UBE3D: variants seen among roughly 807,000 people sequenced by gnomAD.
The protein encoded by UBE3D is E3 ubiquitin-protein ligase E3D.
UBE3D carries 48 observed loss-of-function variants against 49.6 expected under a neutral mutation model. The observed-to-expected ratio is 0.97, with a 90% CI of 0.77 to 1.23. UBE3D has a LOEUF of 1.23. Ranked by LOEUF, UBE3D falls within the 50% of genes most tolerant of loss-of-function variation. UBE3D has a pLI of 0.00. For synonymous variants in UBE3D, 189 were observed against 174.2 expected (o/e 1.08, Z -0.67); for missense variants, 452 against 468.4 (o/e 0.96, Z 0.32).
chr6:82,895,452 C>A (rs1028664915), intron 9 of UBE3D, among the ~76,000 whole-genome samples: 1 of 152,140 alleles, frequency 6.6e-6, no homozygotes, highest in Non-Finnish European at 1.5e-5. Flanking sequence ...GGAGGGGGTG[C>A]TACTGGCATC....
chr6:83,041,968 G>C (rs2127814501), intron 4 of UBE3D, among the ~76,000 whole-genome samples: 1 of 152,020 alleles, frequency 6.6e-6, no homozygotes, highest in East Asian at 1.9e-4. Flanking sequence ...GGAGTGCAGT[G>C]GTGCAATCTT....
chr6:83,008,472 G>T (rs1410952211), intron 8 of UBE3D, among the ~76,000 whole-genome samples: 1 of 152,166 alleles, frequency 6.6e-6, no homozygotes, highest in African/African-American at 2.4e-5. Context: ...TGCTCACCAA[G>T]ATGTGAAACG....
chr6:83,065,726 T>C lies in UBE3D; in HGVS notation c.-8A>G, dbSNP rs1042375838. On this transcript the variant is annotated 5_prime_UTR_variant, in exon 1 of 10. Transcript: ENST00000369747. ...CGCCGCAGAAGCCGCCATGGCAGGC[T>C]TCCAGTCCCAGACCGGACCAAGCTG... 6.2e-7 allele frequency: 1 copy of C among 1,609,256 alleles called. No homozygotes were observed. The highest frequency in any genetic ancestry group is 8.5e-7 in the Non-Finnish European group (1 of 1,177,990).
At chr6:82,891,995 C>T (rs1057057234), downstream of UBE3D, among the ~76,000 whole-genome samples, 3 of 150,040 alleles carry the variant, frequency 2.0e-5, no homozygotes, top group African/African-American at 4.9e-5. Flanking sequence ...AGCTGGGCAA[C>T]GAGAGCTAAA....
chr6:82,914,513 T>C (rs999464423), intron 9 of UBE3D, among the ~76,000 whole-genome samples: 1 of 152,140 alleles, frequency 6.6e-6, no homozygotes, highest in Admixed American at 6.6e-5. Context: ...AGAAGTTGGC[T>C]GGAAAAGTGG....
intron 9 of UBE3D, among the ~76,000 whole-genome samples, chr6:82,951,437 CAGGA>C (rs2127767300): frequency 6.6e-6 from 1 of 152,284 alleles, no homozygotes; most frequent in African/African-American, 2.4e-5. Flanking sequence ...TGGGAATAAA[CAGGA>C]AGGGTTTCCT....
At chr6:82,993,837 T>C (rs974103230) in intron 8 of UBE3D, among the ~76,000 whole-genome samples, 1 of 152,216 alleles carries the variant, frequency 6.6e-6, no homozygotes, top group African/African-American at 2.4e-5. Context: ...TTATCAAAAG[T>C]GTATTCTCTG....
chr6:82,887,029 G>C, the UBE3D span, among the ~76,000 whole-genome samples: 2 of 152,120 alleles, frequency 1.3e-5, no homozygotes, highest in African/African-American at 4.8e-5. Context: ...TTTGGGCCTA[G>C]TGCAGTGGCT....
At chr6:82,924,987 T>C (rs1773639331) in intron 9 of UBE3D, 1 of 152,384 alleles carries the variant, frequency 6.6e-6, no homozygotes, top group African/African-American at 2.4e-5. Flanking sequence ...TGCAGTTGCA[T>C]ATGCCCCTAC....
chr6:82,986,154 G>A (rs1582553735), intron 8 of UBE3D, among the ~76,000 whole-genome samples: 1 of 151,962 alleles, frequency 6.6e-6, no homozygotes, highest in East Asian at 1.9e-4. Flanking sequence ...CCAATAATAT[G>A]GTATATACTT....
chr6:82,999,386 G>A (rs1478154341), intron 8 of UBE3D, among the ~76,000 whole-genome samples: 3 of 151,942 alleles, frequency 2.0e-5, no homozygotes, highest in Non-Finnish European at 2.9e-5. Context: ...GACCTTCCCT[G>A]TTGGCTTTTA....
chr6:82,901,264 TA>T (rs200049918), intron 9 of UBE3D, among the ~76,000 whole-genome samples: 307 of 144,904 alleles, frequency 2.1e-3, no homozygotes, highest in African/African-American at 2.5e-3. Context: ...CTGCATCACT[TA>T]AAAAAAAAAA....
chr6:82,910,220 T>TCCTGCACAGGGA (rs1772401112), intron 9 of UBE3D, among the ~76,000 whole-genome samples: 1 of 152,134 alleles, frequency 6.6e-6, no homozygotes, highest in Non-Finnish European at 1.5e-5. Flanking sequence ...GCGTATCCAC[T>TCCTGCACAGGGA]CCTGCCTGCA....
intron 5 of UBE3D, among the ~76,000 whole-genome samples, chr6:83,032,940 G>A (rs1297652349): frequency 6.6e-6 from 1 of 152,156 alleles, no homozygotes; most frequent in Non-Finnish European, 1.5e-5. Context: ...GTGATACTGT[G>A]AGTCTATTAA....
At chr6:83,025,588 A>G (rs1183901642) in intron 5 of UBE3D, among the ~76,000 whole-genome samples, 1 of 152,174 alleles carries the variant, frequency 6.6e-6, no homozygotes, top group Non-Finnish European at 1.5e-5. Flanking sequence ...AGGCCTTAAA[A>G]TTGTATATGT....
chr6:82,914,058 C>T (rs1772728716), intron 9 of UBE3D, among the ~76,000 whole-genome samples: 1 of 152,202 alleles, frequency 6.6e-6, no homozygotes, highest in Non-Finnish European at 1.5e-5. Context: ...ACATGACTTG[C>T]TGAAGGCAAT....
intron 9 of UBE3D, among the ~76,000 whole-genome samples, chr6:82,911,213 A>AAC (rs1554183161): frequency 3.3e-5 from 5 of 150,260 alleles, no homozygotes; most frequent in Non-Finnish European, 7.4e-5. Context: ...AAAAAAAAAA[A>AAC]AAAAAAAAAA....
chr6:82,997,185 C>T (rs941182722), intron 8 of UBE3D, among the ~76,000 whole-genome samples: 6 of 152,096 alleles, frequency 3.9e-5, no homozygotes, highest in Non-Finnish European at 8.8e-5. Flanking sequence ...TTCTTTCCAT[C>T]CACTTTAAAG....
chr6:82,968,800 C>A (rs1262549267), intron 8 of UBE3D, among the ~76,000 whole-genome samples: 1 of 152,094 alleles, frequency 6.6e-6, no homozygotes, highest in East Asian at 1.9e-4. Flanking sequence ...ACTAGAGTTT[C>A]TTTTCATATA....
Sources: gnomAD v4.1 joint callset for allele counts (sites outside exome capture counted in the v4.1 genomes callset) on GRCh38, gnomAD v4.1.1 for gene constraint, MANE v1.5 for transcripts, NCBI Gene and HGNC (gene_info 2026-07-23, HGNC 2026-07-21) for gene names.